The following STOX2 variants were observed in gnomAD, a reference collection of about 807,000 sequenced individuals.
The protein encoded by STOX2 is storkhead box 2.
STOX2 carries 28 observed loss-of-function variants against 60.9 expected under a neutral mutation model. The ratio of observed to expected loss-of-function variants is 0.46; its 90% confidence interval spans 0.34 to 0.63. The LOEUF is 0.63. STOX2 is among the 30% of genes least tolerant of loss of function. The probability of loss-of-function intolerance (pLI) is 0.01; values close to 1 mark genes in which losing one functional copy is unlikely to be tolerated. For missense variants in STOX2, 1,024 were observed against 1,187.7 expected, an observed-to-expected ratio of 0.86 and a Z score of 2.03; for synonymous variants, 472 against 463.9, an observed-to-expected ratio of 1.02 and a Z score of -0.22.
intron 1 of STOX2, among the ~76,000 whole-genome samples, chr4:183,914,528 G>T (rs946224164): frequency 2.6e-5 from 4 of 152,244 alleles, no homozygotes; most frequent in Non-Finnish European, 5.9e-5. Context: ...CCTGCAGAAA[G>T]TGAGCAGAGA....
At chr4:183,994,217 T>C (rs1455225320) in intron 1 of STOX2, among the ~76,000 whole-genome samples, 3 of 152,306 alleles carry the variant, frequency 2.0e-5, no homozygotes, top group African/African-American at 4.8e-5. Flanking sequence ...CCCATGCCCA[T>C]AGTGCATTTT....
At chr4:183,928,583 A>G (rs1015139954) in intron 1 of STOX2, among the ~76,000 whole-genome samples, 2 of 152,190 alleles carry the variant, frequency 1.3e-5, no homozygotes, top group Non-Finnish European at 2.9e-5. Context: ...TGAGGCACAA[A>G]AATTTTAATC....
chr4:183,941,943 G>A (rs908961877), intron 1 of STOX2, among the ~76,000 whole-genome samples: 5 of 152,082 alleles, frequency 3.3e-5, no homozygotes, highest in Non-Finnish European at 7.4e-5. Flanking sequence ...CTCCTCTTTA[G>A]CTATTAGAGG....
chr4:183,842,403 G>A (rs1252156022), intron 1 of STOX2, among the ~76,000 whole-genome samples: 3 of 152,104 alleles, frequency 2.0e-5, no homozygotes, highest in Non-Finnish European at 2.9e-5. Context: ...ACCTCCTCAA[G>A]TACCTGTTAA....
chr4:183,870,336 G>A (rs13113951), intron 1 of STOX2, among the ~76,000 whole-genome samples: 148,363 of 152,330 alleles, frequency 0.97, 72,362 homozygotes, highest in Non-Finnish European at 1. Context: ...AACGAAAAGC[G>A]TTGTTCAACC....
chr4:183,953,375 G>T (rs1417360543), intron 1 of STOX2, among the ~76,000 whole-genome samples: 2 of 152,104 alleles, frequency 1.3e-5, no homozygotes, highest in African/African-American at 4.8e-5. Context: ...CCCACACCTG[G>T]TTGCCCCTTT....
chr4:183,869,957 C>G (rs988881235), intron 1 of STOX2, among the ~76,000 whole-genome samples: 1 of 152,156 alleles, frequency 6.6e-6, no homozygotes, highest in African/African-American at 2.4e-5. Context: ...GCTTCTGATT[C>G]ACAAGCAGGC....
chr4:183,945,567 C>A lies in STOX2; in HGVS notation c.166+38611C>A, dbSNP rs189587804. Among the ~76,000 whole-genome samples the A allele has an allele frequency of 2.0e-5, 3 of 152,140 alleles. No homozygotes were observed. The East Asian group carries it at 5.8e-4, about 29-fold the overall frequency. On this transcript the variant is annotated intron_variant, in intron 1 of 3. Coordinates refer to ENST00000308497, the MANE Select transcript of STOX2 (RefSeq NM_020225.3). ...CAGGTTACTATGAATGCCTGTAGGC[C>A]TGCATTTAAAAATTAGGAACCCGTA...
At chr4:183,956,350 T>C (rs1028836388) in intron 1 of STOX2, among the ~76,000 whole-genome samples, 1 of 149,858 alleles carries the variant, frequency 6.7e-6, no homozygotes, top group Non-Finnish European at 1.5e-5. Flanking sequence ...TGTTAACATT[T>C]TGCTGCATTT....
intron 1 of STOX2, among the ~76,000 whole-genome samples, chr4:183,857,324 T>C (rs1031782103): frequency 2.0e-5 from 3 of 151,188 alleles, no homozygotes; most frequent in African/African-American, 4.9e-5. Flanking sequence ...CCTGCAGTAC[T>C]GGTTATCCCA....
At chr4:183,993,207 T>C (rs866231205) in intron 1 of STOX2, among the ~76,000 whole-genome samples, 22 of 152,208 alleles carry the variant, frequency 1.4e-4, no homozygotes, top group Admixed American at 1.1e-3. Flanking sequence ...AGCTTTTACC[T>C]GTAGTCAAAT....
intron 1 of STOX2, among the ~76,000 whole-genome samples, chr4:183,917,498 C>T (rs905280936): frequency 2.6e-5 from 4 of 152,206 alleles, no homozygotes; most frequent in Non-Finnish European, 4.4e-5. Context: ...TTGGAATGTG[C>T]GTTCTGTTAA....
At chr4:183,839,243 G>T (rs1327493007) in intron 1 of STOX2, among the ~76,000 whole-genome samples, 7 of 152,246 alleles carry the variant, frequency 4.6e-5, no homozygotes, top group Admixed American at 4.6e-4. Flanking sequence ...TTTATTCACA[G>T]TCTACTGGCT....
intron 1 of STOX2, among the ~76,000 whole-genome samples, chr4:183,915,810 T>C (rs1459783082): frequency 6.6e-6 from 1 of 152,104 alleles, no homozygotes; most frequent in East Asian, 1.9e-4. Flanking sequence ...ACCCTCAGGG[T>C]CCCGGAAGGA....
chr4:183,979,234 G>A (rs575210336), intron 1 of STOX2, among the ~76,000 whole-genome samples: 32 of 152,060 alleles, frequency 2.1e-4, no homozygotes, highest in Non-Finnish European at 4.1e-4. Flanking sequence ...GTCGGGGGGC[G>A]GGCTAGGTGC....
chr4:183,808,381 A>G (rs1231538969), intron 1 of STOX2, among the ~76,000 whole-genome samples: 2 of 152,142 alleles, frequency 1.3e-5, no homozygotes, highest in Non-Finnish European at 2.9e-5. Context: ...AAAGCCTTGG[A>G]AGGCCTGCTC....
rs7679141 is a variant in STOX2 at position 183,896,718 on chromosome 4, T to C, written c.364+98663T>C. 2.0e-3 allele frequency among the ~76,000 whole-genome samples: 303 copies of C among 152,378 alleles called. 1 individual carries two copies. Among genetic ancestry groups the C allele is most frequent in the African/African-American group, 7.1e-3 (296 of 41,592 alleles). On this transcript the variant is annotated intron_variant, in intron 1 of 2. Transcript: ENST00000513034. ...AAGTGGATTTACAGCTCATCTGATC[T>C]TCACGATTTTGTAACGAGTTTGGGA...
At chr4:183,910,861 A>C (rs749996706) in intron 1 of STOX2, among the ~76,000 whole-genome samples, 3 of 152,204 alleles carry the variant, frequency 2.0e-5, no homozygotes, top group Non-Finnish European at 4.4e-5. Flanking sequence ...CACCTTGATT[A>C]GTTTATTAGT....
chr4:183,883,608 G>A (rs760136412), intron 1 of STOX2, among the ~76,000 whole-genome samples: 2 of 152,130 alleles, frequency 1.3e-5, no homozygotes, highest in South Asian at 2.1e-4. Context: ...GAGCCACCGC[G>A]CCTGGCCGAC....
Sources: gnomAD v4.1 joint callset for allele counts (sites outside exome capture counted in the v4.1 genomes callset) on GRCh38, gnomAD v4.1.1 for gene constraint, MANE v1.5 for transcripts, NCBI Gene and HGNC (gene_info 2026-07-23, HGNC 2026-07-21) for gene names.